FGD1: variants seen among roughly 807,000 people sequenced by gnomAD.
The protein encoded by FGD1 is FYVE, RhoGEF and PH domain-containing protein 1.
In FGD1, 12 loss-of-function variants were observed where a neutral mutation model predicts 65.0. The observed-to-expected ratio is 0.18, with a 90% CI of 0.12 to 0.30. The LOEUF is 0.30. Ranked by LOEUF, FGD1 falls within the 10% of genes least tolerant of loss-of-function variation. FGD1 has a pLI of 1.00. For synonymous variants in FGD1, 333 were observed against 343.9 expected (o/e 0.97, Z 0.35); for missense variants, 542 against 837.6 (o/e 0.65, Z 4.36).
intron 1 of FGD1, among the ~76,000 whole-genome samples, chrX:54,477,990 C>T (rs1169021637): frequency 1.8e-5 from 2 of 108,925 alleles, no homozygotes; most frequent in African/African-American, 6.7e-5. Flanking sequence ...TGGTGGCAGG[C>T]GCCTGTAATC....
At chrX:54,451,295 T>C (rs765139114) in intron 12 of FGD1, among the ~76,000 whole-genome samples, 4 of 108,437 alleles carry the variant, frequency 3.7e-5, no homozygotes, top group African/African-American at 1.3e-4. Context: ...TGTATTCTTT[T>C]TTTTTTTGAG....
At chrX:54,491,189 G>C (rs1453044409) in intron 1 of FGD1, among the ~76,000 whole-genome samples, 1 of 111,263 alleles carries the variant, frequency 9.0e-6, no homozygotes, top group Non-Finnish European at 1.9e-5. Context: ...TACCTGAATT[G>C]TCCTCCATGT....
Position 54,449,725 on chromosome X carries a change from C to T in FGD1, c.2082G>A (p.Thr694=), listed in dbSNP as rs897246819. ...INSTLLKHEQ[T]LETFKLLNST... is the part of the protein sequence containing the mutation. The stretch of plus-strand genomic sequence containing the variant: ...AGTTCAACAGTTTGAAAGTCTCCAG[C>T]GTCTGTTCATGCTTCAGGAGGGTGG... The change falls in exon 14 of 18, where the codon ACG becomes ACA. Residue 694 remains threonine (T), a synonymous_variant. Coordinates refer to ENST00000375135, the MANE Select transcript of FGD1 (RefSeq NM_004463.3). 9.1e-6 allele frequency: 11 copies of T among 1,206,275 alleles called. No homozygotes were observed. Among genetic ancestry groups the T allele is most frequent in the African/African-American group, 8.8e-5 (5 of 56,692 alleles).
chrX:54,462,086 G>T (rs1922649829), intron 8 of FGD1, among the ~76,000 whole-genome samples: 1 of 111,086 alleles, frequency 9.0e-6, no homozygotes, highest in African/African-American at 3.3e-5. Flanking sequence ...CTCAGAATGG[G>T]CTTAGTATGA....
At chrX:54,473,547 T>C (rs1427962145) in intron 1 of FGD1, among the ~76,000 whole-genome samples, 3 of 111,924 alleles carry the variant, frequency 2.7e-5, no homozygotes, top group African/African-American at 9.8e-5. Context: ...TGGAGGCTGA[T>C]TGATCGAAAT....
chrX:54,477,433 A>AT (rs748962868), intron 1 of FGD1, among the ~76,000 whole-genome samples: 14,436 of 103,637 alleles, frequency 0.14, 1,681 homozygotes, highest in African/African-American at 0.36. Context: ...CACTCAGTTA[A>AT]TTTTTTTTTT....
At chrX:54,471,585 G>A in intron 1 of FGD1, 98 bp from the exon 2 acceptor site, 1 of 834,864 alleles carries the variant, frequency 1.2e-6, no homozygotes, top group Non-Finnish European at 1.7e-6. Flanking sequence ...GCTATCTGGG[G>A]TATTGGGTTT....
In FGD1 at chrX:54,495,176, T is replaced by C; in HGVS notation, c.257A>G (p.His86Arg). 1.7e-6 allele frequency: 2 copies of C among 1,187,527 alleles called. No individual in the cohort carries two copies. Among genetic ancestry groups the C allele is most frequent in the Non-Finnish European group, 2.3e-6 (2 of 884,296 alleles). Residue 86 changes from histidine to arginine, a missense_variant, in exon 1 of 18, where the codon CAC becomes CGC. His to Arg is a conservative substitution (Grantham distance 29). Transcript: ENST00000375135. ...GTGGTAAGAGAAGCGCAGGGCCCGG[T>C]GGTGCTGTGGACTGGGACCGCAGGG... is the stretch of plus-strand genomic sequence containing the variant. The part of the protein sequence containing the change: ...VLPCGPSPQH[H>R]RALRFSYHLE...
At chrX:54,490,964 A>C (rs1230758039) in intron 1 of FGD1, among the ~76,000 whole-genome samples, 2 of 110,595 alleles carry the variant, frequency 1.8e-5, no homozygotes, top group East Asian at 5.7e-4. Flanking sequence ...CCCTGCTTCC[A>C]CTCTTGCACC....
chrX:54,446,411 C>T lies in FGD1; in HGVS notation c.2584G>A (p.Val862Met), dbSNP rs1569540924. The change falls in exon 18 of 18, where the codon GTG becomes ATG. Residue 862 changes from valine (V) to methionine (M), a missense_variant. Coordinates refer to ENST00000375135, the MANE Select transcript of FGD1 (RefSeq NM_004463.3). ...VLYIYGAPQDVKAQRSLPLIG... is the reference protein window; with the variant it reads ...VLYIYGAPQDMKAQRSLPLIG... The stretch of plus-strand genomic sequence containing the variant: ...AGGGGCAGGCTGCGCTGGGCTTTCA[C>T]ATCCTGGCGGGAGGAGGGACAGAGC... The T allele has an allele frequency of 8.3e-7, 1 of 1,208,486 alleles. No homozygotes were observed.
intron 16 of FGD1, among the ~76,000 whole-genome samples, chrX:54,448,183 T>A (rs938180874): frequency 5.4e-5 from 6 of 110,678 alleles, no homozygotes; most frequent in African/African-American, 2.0e-4. Context: ...AGACAATTTT[T>A]AAATTTTTTT....
At chrX:54,471,607 T>C in intron 1 of FGD1, 120 bp from the exon 2 acceptor site, 1 of 668,220 alleles carries the variant, frequency 1.5e-6, no homozygotes, top group Non-Finnish European at 2.2e-6. Flanking sequence ...TCTGAGCCCC[T>C]TTCCTGGCCA....
At chrX:54,485,296 C>A (rs757987521) in intron 1 of FGD1, among the ~76,000 whole-genome samples, 187 of 111,118 alleles carry the variant, frequency 1.7e-3, no homozygotes, top group African/African-American at 5.6e-3. Context: ...CGTAAGCAAA[C>A]CCCCTCACTG....
intron 10 of FGD1, 103 bp downstream of exon 10, chrX:54,456,117 C>T: frequency 2.1e-6 from 2 of 950,587 alleles, no homozygotes; most frequent in Admixed American, 2.9e-5. Context: ...TTTCCTCTTT[C>T]AGGAATGAAA....
chrX:54,488,437 T>G (rs1281175700), intron 1 of FGD1, among the ~76,000 whole-genome samples: 1 of 108,212 alleles, frequency 9.2e-6, no homozygotes, highest in East Asian at 2.9e-4. Flanking sequence ...TACAAAAAAT[T>G]AGCCAGGCGT....
At chrX:54,460,688 C>T (rs963144207) in intron 8 of FGD1, among the ~76,000 whole-genome samples, 2 of 111,725 alleles carry the variant, frequency 1.8e-5, no homozygotes, top group Non-Finnish European at 3.8e-5. Context: ...TTGCAGTGAG[C>T]GGAGATCGCG....
intron 8 of FGD1, among the ~76,000 whole-genome samples, chrX:54,458,212 G>A (rs1304534736): frequency 1.8e-5 from 2 of 111,767 alleles, no homozygotes; most frequent in African/African-American, 6.5e-5. Flanking sequence ...TGGCTCCCCT[G>A]TGCCTGCAGG....
rs1292566305 is a variant in FGD1, at chrX:54,471,403, T to C, written c.392A>G (p.Gln131Arg). ...QSLEPHPEGP[Q>R]RLRSDPGPPT... ...GGGACCTGGGTCTGAGCGAAGCCGC[T>C]GGGGACCTTCTGGATGAGGCTCTAG... The change falls in exon 2 of 18, where the codon CAG (glutamine) becomes CGG (arginine). Residue 131 changes from glutamine to arginine, a missense_variant. Physicochemically the swap from Gln to Arg is conservative, Grantham distance 43 (BLOSUM62 1). This residue lies in a region of FGD1 where 297 missense variants were observed against 326.8 expected (regional missense o/e 0.91). Coordinates refer to ENST00000375135, the MANE Select transcript of FGD1 (RefSeq NM_004463.3). The C allele has an allele frequency of 1.7e-6, 2 of 1,211,362 alleles. No homozygotes were observed. Among genetic ancestry groups the C allele is most frequent in the Non-Finnish European group, 2.2e-6 (2 of 895,340 alleles).
intron 11 of FGD1, 69 bp from the exon 12 acceptor site, chrX:54,455,596 TAC>T: frequency 1.8e-6 from 2 of 1,087,981 alleles, no homozygotes; most frequent in Non-Finnish European, 2.5e-6. Context: ...TCTGCACACA[TAC>T]ACACACAGAC....
Sources: gnomAD v4.1 joint callset for allele counts (sites outside exome capture counted in the v4.1 genomes callset) on GRCh38, gnomAD v4.1.1 for gene constraint, gnomAD v4.1.1 regional missense constraint, MANE v1.5 for transcripts, NCBI Gene and HGNC (gene_info 2026-07-23, HGNC 2026-07-21) for gene names.